SCRIB: variants seen among roughly 807,000 people sequenced by gnomAD.
The protein encoded by SCRIB is scribble planar cell polarity protein.
SCRIB carries 72 observed loss-of-function variants against 170.0 expected under a neutral mutation model. The ratio of observed to expected loss-of-function variants is 0.42; its 90% CI spans 0.35 to 0.52. The LOEUF (loss-of-function observed/expected upper bound fraction) is 0.52. SCRIB is among the 20% of genes least tolerant of loss of function. The pLI is 0.02. For synonymous variants in SCRIB, 1,298 were observed against 1,044.3 expected (o/e 1.24, Z -4.68); for missense variants, 2,475 against 2,338.5 (o/e 1.06, Z -1.20).
chr8:143,810,073 G>T (rs1057082387), intron 13 of SCRIB, among the ~76,000 whole-genome samples: 1 of 152,048 alleles, frequency 6.6e-6, no homozygotes, highest in Non-Finnish European at 1.5e-5. Flanking sequence ...TGGTTCTGCT[G>T]CACCCAAAAA....
At chr8:143,795,356 C>T (rs371858325) in intron 25 of SCRIB, 23 bp from the exon 26 acceptor site, 1 of 1,612,656 alleles carries the variant, frequency 6.2e-7, no homozygotes. Context: ...CAGAGCAGAC[C>T]CGTCAGGCAC....
At chr8:143,793,606 T>C (rs1214928318) in intron 28 of SCRIB, 10 of 408,824 alleles carry the variant, frequency 2.4e-5, no homozygotes, top group Non-Finnish European at 3.9e-5. Flanking sequence ...AGGGATAAGG[T>C]GGGCCCTGGG....
chr8:143,791,594 T>C (rs534280317), intron 35 of SCRIB, 72 bp downstream of exon 35: 251 of 1,518,848 alleles, frequency 1.7e-4, no homozygotes, highest in Non-Finnish European at 2.1e-4. Flanking sequence ...GGGGAGGCCC[T>C]GCGGGAGCGG....
intron 24 of SCRIB, among the ~76,000 whole-genome samples, chr8:143,802,393 C>T (rs533674219): frequency 7.2e-5 from 11 of 152,380 alleles, no homozygotes; most frequent in African/African-American, 1.7e-4. Context: ...TGTGAGGGGC[C>T]GCCGCATCCC....
chr8:143,799,695 GGCCCGACA>G (rs782370175), intron 24 of SCRIB, among the ~76,000 whole-genome samples: 1 of 152,072 alleles, frequency 6.6e-6, no homozygotes, highest in Non-Finnish European at 1.5e-5. Context: ...GTAAAGTCAA[GGCCCGACA>G]GCAAGTGAGG....
rs1389185781 is a variant in SCRIB, at chr8:143,812,386, T to A, written c.788-2A>T. On this transcript the variant is annotated splice_acceptor_variant, in intron 8 of 36. Coordinates refer to ENST00000356994, the MANE Select transcript of SCRIB (RefSeq NM_182706.5). LOFTEE classifies it high-confidence loss of function. ...GGATGGATAGCTGCTTCAGCTGACCTGGCGTCGGGGAGACAGGGGGACAAG... is the reference window on the plus strand; with the variant it reads ...GGATGGATAGCTGCTTCAGCTGACCAGGCGTCGGGGAGACAGGGGGACAAG... The A allele has an allele frequency of 6.2e-7, 1 of 1,606,192 alleles. No individual in the cohort carries two copies. Among genetic ancestry groups the A allele is most frequent in the Non-Finnish European group, 8.5e-7 (1 of 1,172,992 alleles).
At position 143,815,420 on chromosome 8, in the gene SCRIB, G is replaced by A. The variant is rs896787157; in HGVS notation, c.-48C>T. On this transcript the variant is annotated 5_prime_UTR_variant, in exon 1 of 37. Transcript: ENST00000356994. The stretch of plus-strand genomic sequence containing the variant: ...TCCGGCGGCGGCGCTCGGCGGGCTC[G>A]GGGCCGGGGGGCGGGGCTCAGTCCG... 2.4e-6 allele frequency: 3 copies of A among 1,234,798 alleles called. No individual in the cohort carries two copies. Among genetic ancestry groups the A allele is most frequent in the Middle Eastern group, 2.8e-4 (1 of 3,538 alleles). 76.5% of individuals were successfully genotyped at this position (1,234,798 alleles called of 1,614,324 possible). A position where few individuals can be genotyped will look rare whatever the true frequency, so the allele number is the denominator to read the frequency against.
At chr8:143,813,132 A>T in intron 6 of SCRIB, 28 bp from the exon 7 acceptor site, 2 of 1,570,526 alleles carry the variant, frequency 1.3e-6, no homozygotes, top group Non-Finnish European at 1.7e-6. Context: ...GAAAATAGTG[A>T]CTATGAGGCA....
At chr8:143,796,301 A>AGG (rs1814942502) in intron 24 of SCRIB, among the ~76,000 whole-genome samples, 1 of 152,178 alleles carries the variant, frequency 6.6e-6, no homozygotes. Flanking sequence ...GCAGCGGAGG[A>AGG]GGCAGCACAG....
chr8:143,798,494 G>C (rs1815037013), intron 24 of SCRIB, among the ~76,000 whole-genome samples: 2 of 152,088 alleles, frequency 1.3e-5, no homozygotes, highest in Non-Finnish European at 2.9e-5. Flanking sequence ...TTGTTTTTTA[G>C]AGTCTGTCTT....
At chr8:143,803,992 T>C in intron 22 of SCRIB, 52 bp from the exon 23 acceptor site, 1 of 1,575,356 alleles carries the variant, frequency 6.3e-7, no homozygotes, top group Non-Finnish European at 8.6e-7. Flanking sequence ...TGACCTGCGC[T>C]GGTACCTGGG....
At position 143,808,808 on chromosome 8, in the gene SCRIB, G is replaced by A. The variant is rs757226113; in HGVS notation, c.1916C>T (p.Pro639Leu). The A allele has an allele frequency of 1.4e-5, 22 of 1,612,162 alleles. No homozygotes were observed. Among genetic ancestry groups the A allele is most frequent in the Non-Finnish European group, 1.9e-5 (22 of 1,179,518 alleles). ...LQGMQPDGEG[P>L]VAPGGWHNGP... ...ATTGTGCCAGCCCCCGGGAGCCACA[G>A]GGCCCTCCCCATCAGGCTGCATGCC... Residue 639 changes from proline (P) to leucine (L), a missense_variant, in exon 15 of 37, where the codon CCT (proline) becomes CTT (leucine). By Grantham distance (98) the Pro-to-Leu change is moderately conservative. Coordinates refer to ENST00000356994, the MANE Select transcript of SCRIB (RefSeq NM_182706.5).
At chr8:143,814,191 G>A (rs1373276748) in intron 1 of SCRIB, 73 bp from the exon 2 acceptor site, 5 of 1,289,540 alleles carry the variant, frequency 3.9e-6, no homozygotes, top group African/African-American at 1.5e-5. Flanking sequence ...GGACACGTGA[G>A]TGTCACAAGT....
At chr8:143,805,465 G>A (rs1554636343) in intron 18 of SCRIB, 30 bp from the exon 19 acceptor site, 1 of 1,449,606 alleles carries the variant, frequency 6.9e-7, no homozygotes, top group Admixed American at 2.5e-5. Context: ...TGCGTATTCA[G>A]GACCCAGTGC....
In SCRIB at chr8:143,792,774, C is replaced by T. The variant is rs1026018447; in HGVS notation, c.4111G>A (p.Glu1371Lys). 9 of 1,584,414 alleles carry T rather than the reference C, an allele frequency of 5.7e-6. No homozygotes were observed. Among genetic ancestry groups the T allele is most frequent in the Non-Finnish European group, 7.7e-6 (9 of 1,168,062 alleles). Residue 1371 changes from glutamate to lysine, a missense_variant, in exon 30 of 37, where the codon GAG becomes AAG. Around this residue, in one of 3 missense-constraint regions of SCRIB, gnomAD observed 1,966 missense variants for 1,742.9 expected, o/e 1.13. Transcript: ENST00000356994. ...FELEVRVPQA[E>K]GPPKRVSLVG... The stretch of plus-strand genomic sequence containing the variant: ...AGGGACACGCGCTTAGGGGGGCCCT[C>T]GGCCTGGGGCACGCGCACCTCCAGC...
At chr8:143,803,091 A>T (rs1815240770) in intron 24 of SCRIB, among the ~76,000 whole-genome samples, 1 of 152,144 alleles carries the variant, frequency 6.6e-6, no homozygotes, top group Admixed American at 6.6e-5. Flanking sequence ...TTCTTTTAGG[A>T]CCAGACCACG....
chr8:143,791,964 C>T (rs782381263), intron 33 of SCRIB, 27 bp downstream of exon 33: 2 of 1,487,016 alleles, frequency 1.3e-6, no homozygotes, highest in Admixed American at 2.4e-5. Flanking sequence ...GCAGGCTGAC[C>T]CCCCCGACCT....
rs1820073802 is a variant in SCRIB, at chr8:143,791,419, A to G, written c.4792T>C (p.Leu1598=). The change falls in exon 36 of 37, where the codon TTG becomes CTG. Residue 1598 remains leucine, a synonymous_variant. Transcript: ENST00000356994. Reference sequence around the variant, plus strand: ...CTGGGAGATGGTTCCAGGGACCTCAACTCCTCAGCAAAGTCCGGTGACTGT... The same window carrying G: ...CTGGGAGATGGTTCCAGGGACCTCAGCTCCTCAGCAAAGTCCGGTGACTGT... The part of the protein sequence containing the change: ...DIQSPDFAEE[L]RSLEPSPSPG... 1 of 1,610,852 alleles carries G rather than the reference A, an allele frequency of 6.2e-7. No homozygotes were observed. Among genetic ancestry groups the G allele is most frequent in the African/African-American group, 1.3e-5 (1 of 74,790 alleles).
intron 1 of SCRIB, 91 bp from the exon 2 acceptor site, chr8:143,814,209 C>T (rs1026889407): frequency 9.3e-7 from 1 of 1,073,516 alleles, no homozygotes; most frequent in Non-Finnish European, 1.4e-6. Context: ...AGTCAAGAGT[C>T]CCTAGGCCTC....
Sources: gnomAD v4.1 joint callset for allele counts (sites outside exome capture counted in the v4.1 genomes callset) on GRCh38, gnomAD v4.1.1 for gene constraint, gnomAD v4.1.1 regional missense constraint, MANE v1.5 for transcripts, NCBI Gene and HGNC (gene_info 2026-07-23, HGNC 2026-07-21) for gene names.